The following DACH1 variants were observed in gnomAD, a reference collection of about 807,000 sequenced individuals.
The protein encoded by DACH1 is dachshund homolog 1.
Under a neutral mutation model 54.2 loss-of-function variants are expected in DACH1, and 12 were observed. That is an observed-to-expected ratio of 0.22 (90% CI 0.14 to 0.36). The LOEUF (loss-of-function observed/expected upper bound fraction) is 0.36, where lower values mean the gene tolerates loss of function less well. Among genes scored for constraint, DACH1 ranks in the 10% least tolerant of loss-of-function variants. DACH1 has a pLI of 1.00. For synonymous variants in DACH1, 386 were observed against 366.2 expected (o/e 1.05, Z -0.62); for missense variants, 805 against 929.8 (o/e 0.87, Z 1.75).
rs117659632 is a variant in DACH1 at position 71,840,397 on chromosome 13, T to C, written c.848+25525A>G. Among the ~76,000 whole-genome samples, 179 of 152,350 alleles carry C rather than the reference T, an allele frequency of 1.2e-3. 1 individual carries two copies. The East Asian group carries it at 0.022, about 19-fold the overall frequency. On this transcript the variant is annotated intron_variant, in intron 1 of 10. Transcript: ENST00000613252. ...AAAAAAATTTCCCAGTGATTTATTG[T>C]TATCTACAATATAAAGTTCAAATTC...
chr13:71,646,252 A>G (rs1489670216), intron 2 of DACH1, among the ~76,000 whole-genome samples: 1 of 150,888 alleles, frequency 6.6e-6, no homozygotes, highest in Non-Finnish European at 1.5e-5. Flanking sequence ...CAGGAGAATC[A>G]CTTGAACCCG....
chr13:71,679,003 A>C (rs1880734036), intron 2 of DACH1, among the ~76,000 whole-genome samples: 1 of 152,008 alleles, frequency 6.6e-6, no homozygotes, highest in African/African-American at 2.4e-5. Context: ...ATGAGCCTCC[A>C]TTTCCTCATT....
intron 1 of DACH1, among the ~76,000 whole-genome samples, chr13:71,788,862 A>C (rs1371422244): frequency 6.6e-6 from 1 of 152,184 alleles, no homozygotes; most frequent in Non-Finnish European, 1.5e-5. Flanking sequence ...CTGAAGCATT[A>C]TTACAATTGA....
intron 1 of DACH1, among the ~76,000 whole-genome samples, chr13:71,772,400 G>A (rs1054421277): frequency 6.6e-6 from 1 of 151,662 alleles, no homozygotes; most frequent in Non-Finnish European, 1.5e-5. Flanking sequence ...TTAAAGTGCA[G>A]AGAGCTTTTT....
intron 10 of DACH1, among the ~76,000 whole-genome samples, chr13:71,450,691 A>G (rs1874957750): frequency 2.6e-5 from 4 of 152,162 alleles, no homozygotes; most frequent in African/African-American, 9.7e-5. Context: ...CTGTGAATGA[A>G]AAACAAAAGT....
At chr13:71,692,128 G>T (rs1034203574) in intron 1 of DACH1, among the ~76,000 whole-genome samples, 2 of 151,534 alleles carry the variant, frequency 1.3e-5, no homozygotes, top group African/African-American at 4.9e-5. Flanking sequence ...GTATTAAAAG[G>T]TCATTTATTA....
chr13:71,616,605 A>G (rs1875786354), intron 3 of DACH1, among the ~76,000 whole-genome samples: 1 of 151,976 alleles, frequency 6.6e-6, no homozygotes, highest in African/African-American at 2.4e-5. Context: ...GTGTGGTGGC[A>G]TATGCCTGTA....
chr13:71,531,948 G>A lies in DACH1; in HGVS notation c.1570+25076C>T, dbSNP rs544992398. Among the ~76,000 whole-genome samples the A allele has an allele frequency of 2.3e-4, 35 of 151,846 alleles. 1 individual carries two copies. The East Asian group carries it at 4.6e-3, about 20-fold the overall frequency. ...TATATATGTGTGTGTATATACATGTGCATGTATGTGTGTATATATATATGT... is the reference window on the plus strand; with the variant it reads ...TATATATGTGTGTGTATATACATGTACATGTATGTGTGTATATATATATGT... On this transcript the variant is annotated intron_variant, in intron 6 of 10. Transcript: ENST00000613252.
At chr13:71,495,789 C>A (rs1879357044) in intron 6 of DACH1, among the ~76,000 whole-genome samples, 1 of 152,018 alleles carries the variant, frequency 6.6e-6, no homozygotes, top group Non-Finnish European at 1.5e-5. Flanking sequence ...ACTATTCGAC[C>A]CAGCAATACC....
intron 3 of DACH1, among the ~76,000 whole-genome samples, chr13:71,617,260 G>A (rs969138725): frequency 1.3e-5 from 2 of 151,892 alleles, no homozygotes; most frequent in African/African-American, 2.4e-5. Context: ...GATTATAGAT[G>A]GTTTTGACAA....
At chr13:71,627,302 C>A (rs1208520182) in intron 3 of DACH1, among the ~76,000 whole-genome samples, 7 of 126,818 alleles carry the variant, frequency 5.5e-5, no homozygotes, top group African/African-American at 1.8e-4. Context: ...TTTAAGGATT[C>A]ATTTACAATC....
chr13:71,661,949 C>G (rs138355559), intron 2 of DACH1, among the ~76,000 whole-genome samples: 1 of 152,054 alleles, frequency 6.6e-6, no homozygotes, highest in Non-Finnish European at 1.5e-5. Flanking sequence ...AATGTCCCTA[C>G]TCAGAGCCCC....
chr13:71,486,744 C>G (rs1878536872), intron 7 of DACH1, among the ~76,000 whole-genome samples: 3 of 152,138 alleles, frequency 2.0e-5, no homozygotes, highest in Middle Eastern at 3.4e-3. Flanking sequence ...ATAACTGCAT[C>G]TATATATACA....
At chr13:71,830,478 G>A (rs1274871712) in intron 1 of DACH1, among the ~76,000 whole-genome samples, 1 of 151,840 alleles carries the variant, frequency 6.6e-6, no homozygotes, top group Non-Finnish European at 1.5e-5. Context: ...CAGCACTAGA[G>A]AAAGTCTAAG....
At chr13:71,566,056 G>T (rs1456927647) in intron 4 of DACH1, among the ~76,000 whole-genome samples, 1 of 152,132 alleles carries the variant, frequency 6.6e-6, no homozygotes, top group Non-Finnish European at 1.5e-5. Flanking sequence ...GGAAAAAAAG[G>T]TAAGTGCTGA....
intron 1 of DACH1, among the ~76,000 whole-genome samples, chr13:71,760,576 C>T (rs987340691): frequency 5.9e-5 from 9 of 152,132 alleles, no homozygotes; most frequent in Non-Finnish European, 1.0e-4. Flanking sequence ...GAAGCAAGAA[C>T]TCAAAGTGGC....
chr13:71,486,297 AG>A (rs1437114069), intron 7 of DACH1, among the ~76,000 whole-genome samples: 2 of 152,140 alleles, frequency 1.3e-5, no homozygotes, highest in Non-Finnish European at 2.9e-5. Flanking sequence ...CTACACAAAA[AG>A]TATGTACCAT....
intron 2 of DACH1, among the ~76,000 whole-genome samples, chr13:71,677,817 T>C (rs1880662641): frequency 6.6e-6 from 1 of 152,080 alleles, no homozygotes; most frequent in African/African-American, 2.4e-5. Flanking sequence ...CCTCCCGAGT[T>C]CAAGCGATTC....
intron 1 of DACH1, among the ~76,000 whole-genome samples, chr13:71,692,340 G>A (rs1043799126): frequency 1.1e-4 from 16 of 151,754 alleles, no homozygotes; most frequent in African/African-American, 2.7e-4. Context: ...AGTTTTATAC[G>A]TCAAATCTTC....
Sources: gnomAD v4.1 joint callset for allele counts (sites outside exome capture counted in the v4.1 genomes callset) on GRCh38, gnomAD v4.1.1 for gene constraint, MANE v1.5 for transcripts, NCBI Gene and HGNC (gene_info 2026-07-23, HGNC 2026-07-21) for gene names.